Variants in CDH8 observed in about 807,000 individuals in gnomAD.
CDH8 encodes cadherin-8.
In CDH8, 17 loss-of-function variants were observed where a neutral mutation model predicts 68.1. The observed-to-expected ratio is 0.25, with a 90% CI of 0.17 to 0.37. CDH8 has a LOEUF of 0.37. Ranked by LOEUF, CDH8 falls within the 10% of genes least tolerant of loss-of-function variation. CDH8 has a pLI of 1.00. For missense variants in CDH8, 763 were observed against 999.3 expected (o/e 0.76, Z 3.19); for synonymous variants, 372 against 365.1 (o/e 1.02, Z -0.21).
intron 9 of CDH8, chr16:61,725,103 T>C (rs948930504): frequency 1.3e-5 from 2 of 150,984 alleles, no homozygotes; most frequent in African/African-American, 4.8e-5. Flanking sequence ...AACAGATCAT[T>C]AGAGGATAAA....
At chr16:61,887,407 T>C (rs1204367860) in intron 3 of CDH8, among the ~76,000 whole-genome samples, 1 of 152,120 alleles carries the variant, frequency 6.6e-6, no homozygotes, top group African/African-American at 2.4e-5. Context: ...ACAGCAGAAA[T>C]TTATTTTCTC....
chr16:61,763,556 C>T (rs1960518486), intron 8 of CDH8, among the ~76,000 whole-genome samples: 2 of 152,094 alleles, frequency 1.3e-5, no homozygotes, highest in South Asian at 4.1e-4. Context: ...TCTGATTGTC[C>T]TGGATAGGAT....
At chr16:61,734,642 TTC>T (rs922680572) in intron 8 of CDH8, among the ~76,000 whole-genome samples, 16 of 150,638 alleles carry the variant, frequency 1.1e-4, no homozygotes, top group African/African-American at 1.9e-4. Flanking sequence ...CCTTCCTTCC[TTC>T]TCTCTCTCTC....
At chr16:61,662,065 TTTTTACTTTAG>T (rs1364467281) in intron 10 of CDH8, among the ~76,000 whole-genome samples, 2 of 150,296 alleles carry the variant, frequency 1.3e-5, no homozygotes, top group Non-Finnish European at 3.0e-5. Flanking sequence ...CTCTTTTTTT[TTTTTACTTTAG>T]TTTTACTTTA....
At chr16:61,682,690 C>T (rs1267924090) in intron 10 of CDH8, among the ~76,000 whole-genome samples, 1 of 151,288 alleles carries the variant, frequency 6.6e-6, no homozygotes, top group Non-Finnish European at 1.5e-5. Flanking sequence ...TGTGTTTTGG[C>T]TTACAAGTGT....
At position 61,854,200 on chromosome 16, in the gene CDH8, A is replaced by T. The variant is rs1490529157; in HGVS notation, c.667+2919T>A. 2.6e-5 allele frequency among the ~76,000 whole-genome samples: 4 copies of T among 151,850 alleles called. No homozygotes were observed. The East Asian group carries it at 7.8e-4, about 30-fold the overall frequency. ...AGCCCACTGCTTGCATTTTCCTGCC[A>T]AAGGATTACTTTAAGGATTTCCATG... is the stretch of plus-strand genomic sequence containing the variant. On this transcript the variant is annotated intron_variant, in intron 4 of 11. Coordinates refer to ENST00000577390, the MANE Select transcript of CDH8 (RefSeq NM_001796.5).
chr16:61,852,404 G>A (rs1169022117), intron 4 of CDH8, among the ~76,000 whole-genome samples: 1 of 152,006 alleles, frequency 6.6e-6, no homozygotes, highest in African/African-American at 2.4e-5. Context: ...CTCTGGAATA[G>A]GAAGATATAT....
intron 3 of CDH8, among the ~76,000 whole-genome samples, chr16:61,893,401 TGTG>T (rs1288581403): frequency 1.4e-5 from 2 of 146,136 alleles, no homozygotes; most frequent in Non-Finnish European, 3.0e-5. Context: ...TACAGGTAGA[TGTG>T]TGTGTGTGTG....
intron 1 of CDH8, among the ~76,000 whole-genome samples, chr16:62,023,582 C>T (rs188844138): frequency 1.8e-3 from 270 of 152,242 alleles, no homozygotes; most frequent in African/African-American, 6.1e-3. Context: ...TGACAGGATT[C>T]CTGCCCTAGA....
At chr16:61,899,464 A>T (rs1323398411) in intron 3 of CDH8, among the ~76,000 whole-genome samples, 1 of 152,082 alleles carries the variant, frequency 6.6e-6, no homozygotes, top group Non-Finnish European at 1.5e-5. Context: ...GTGACCATGA[A>T]AGACAATGGA....
In CDH8 at chr16:61,651,288, C is replaced by T. The variant is rs949781366; in HGVS notation, c.*2320G>A. ...CAAGCACTTGTTTTAGACACTGTGC[C>T]AAGTCCTAGTATATTTTAAAGTCAT... On this transcript the variant is annotated 3_prime_UTR_variant, in exon 12 of 12. Transcript: ENST00000577390. The T allele has an allele frequency of 2.0e-5, 3 of 152,006 alleles. No individual in the cohort carries two copies. The highest frequency in any genetic ancestry group is 7.2e-5 in the African/African-American group (3 of 41,382). 9.4% of individuals were successfully genotyped at this position (152,006 alleles called of 1,614,324 possible). A position where few individuals can be genotyped will look rare whatever the true frequency, so the allele number is the denominator to read the frequency against.
Position 61,960,343 on chromosome 16 carries a change from A to G in CDH8, c.253-58870T>C, listed in dbSNP as rs1203595405. Among the ~76,000 whole-genome samples, 152 of 85,662 alleles carry G rather than the reference A, an allele frequency of 1.8e-3. 33 individuals are homozygous for G. The highest frequency in any genetic ancestry group is 2.6e-3 in the Non-Finnish European group (118 of 45,504). The allele number at this position is 85,662 out of a possible 152,430, so 56.2% of individuals were successfully genotyped here. ...TACGTGTGTGTGTATACACACATAT[A>G]TACATGTGTGTGTGTATACACATAC... On this transcript the variant is annotated intron_variant, in intron 2 of 11. Coordinates refer to ENST00000577390, the MANE Select transcript of CDH8 (RefSeq NM_001796.5).
intron 2 of CDH8, among the ~76,000 whole-genome samples, chr16:61,975,860 G>A (rs1162170608): frequency 6.6e-6 from 1 of 152,118 alleles, no homozygotes; most frequent in Non-Finnish European, 1.5e-5. Flanking sequence ...TCTAGCCAAT[G>A]TCCTATGATT....
At chr16:61,851,482 A>G (rs1962936737) in intron 4 of CDH8, among the ~76,000 whole-genome samples, 1 of 152,066 alleles carries the variant, frequency 6.6e-6, no homozygotes, top group East Asian at 1.9e-4. Context: ...TTTATTATTC[A>G]CTTGCCTTGC....
Position 61,660,233 on chromosome 16 carries a change from T to C in CDH8, c.1655-4512A>G, listed in dbSNP as rs533735268. Among the ~76,000 whole-genome samples the C allele has an allele frequency of 2.0e-5, 3 of 152,114 alleles. No individual in the cohort carries two copies. The East Asian group carries it at 5.8e-4, about 29-fold the overall frequency. Reference sequence around the variant, plus strand: ...AAAATGCCTAGTTTCCAACAGAAGATTATGAGACATGCAAAGAATGAAGAA... The same window carrying C: ...AAAATGCCTAGTTTCCAACAGAAGACTATGAGACATGCAAAGAATGAAGAA... On this transcript the variant is annotated intron_variant, in intron 10 of 11. Coordinates refer to ENST00000577390, the MANE Select transcript of CDH8 (RefSeq NM_001796.5).
rs916500897 is a variant in CDH8, at chr16:61,683,392, G to A, written c.1655-27671C>T. Among the ~76,000 whole-genome samples the A allele has an allele frequency of 1.3e-4, 20 of 151,928 alleles. 1 individual carries two copies. The highest frequency in any genetic ancestry group is 4.1e-4 in the African/African-American group (17 of 41,400). ...TTAATTAACAGACCTTTAGAAGGAG[G>A]CATTTATACTTGTAAATAAGAATAC... On this transcript the variant is annotated intron_variant, in intron 10 of 11. Transcript: ENST00000577390.
chr16:61,783,127 T>C (rs1301747212), intron 8 of CDH8, among the ~76,000 whole-genome samples: 2 of 144,548 alleles, frequency 1.4e-5, no homozygotes, highest in Non-Finnish European at 3.0e-5. Flanking sequence ...CTTCAGACGA[T>C]CAAATTACTC....
intron 4 of CDH8, among the ~76,000 whole-genome samples, chr16:61,846,998 T>G (rs565621005): frequency 3.7e-4 from 57 of 152,244 alleles, no homozygotes; most frequent in African/African-American, 1.2e-3. Flanking sequence ...TCCCTAATAA[T>G]CAGATGCTGG....
At chr16:61,831,264 G>T (rs1256911111) in intron 4 of CDH8, among the ~76,000 whole-genome samples, 2 of 151,778 alleles carry the variant, frequency 1.3e-5, no homozygotes, top group East Asian at 3.9e-4. Context: ...ATGGAAATTT[G>T]AACCTGGCAC....
Sources: allele counts gnomAD v4.1 joint callset (sites outside exome capture counted in the v4.1 genomes callset), GRCh38; gene constraint gnomAD v4.1.1; transcripts MANE v1.5; gene names NCBI Gene and HGNC (gene_info 2026-07-23, HGNC 2026-07-21).